The following PDHA2 variants were observed in gnomAD, a reference collection of about 807,000 sequenced individuals.
The protein encoded by PDHA2 is pyruvate dehydrogenase E1 subunit alpha 2.
For synonymous variants in PDHA2, 188 were observed against 185.9 expected (o/e 1.01, Z -0.09); for missense variants, 533 against 495.8 (o/e 1.07, Z -0.71).
chr4:95,840,205 C>A lies in PDHA2; in HGVS notation c.55C>A (p.Arg19Ser). 1 of 1,614,058 alleles carries A rather than the reference C, an allele frequency of 6.2e-7. No individual in the cohort carries two copies. Among genetic ancestry groups the A allele is most frequent in the Non-Finnish European group, 8.5e-7 (1 of 1,179,972 alleles). The change falls in exon 1 of 1, where the codon CGC becomes AGC. Residue 19 changes from arginine to serine, a missense_variant. Transcript: ENST00000295266. ...GAGGCGAGTTGCCCAGAAATCAGCT[C>A]GCAGAGTGCTGGTGGCATCCCGTAA... ...VLRRVAQKSARRVLVASRNSS... is the reference protein window; with the variant it reads ...VLRRVAQKSASRVLVASRNSS...
Position 95,841,072 on chromosome 4 carries a change from G to C in PDHA2, c.922G>C (p.Val308Leu), listed in dbSNP as rs1157919006. Residue 308 changes from valine (V) to leucine (L), a missense_variant, in exon 1 of 1, where the codon GTA (valine) becomes CTA (leucine). By Grantham distance (32) the Val-to-Leu change is conservative. Coordinates refer to ENST00000295266, the MANE Select transcript of PDHA2 (RefSeq NM_005390.5). ...TCGTACACGAGAAGAAATTCAGGAA[G>C]TAAGAAGTAAGAGGGATCCTATAAT... The part of the protein sequence containing the change: ...SYRTREEIQE[V>L]RSKRDPIIIL... The C allele has an allele frequency of 6.2e-7, 1 of 1,614,116 alleles. No homozygotes were observed. The highest frequency in any genetic ancestry group is 8.5e-7 in the Non-Finnish European group (1 of 1,179,984).
chr4:95,840,953 C>G lies in PDHA2; in HGVS notation c.803C>G (p.Ala268Gly), dbSNP rs750504085. Residue 268 changes from alanine to glycine, a missense_variant, in exon 1 of 1, where the codon GCT becomes GGT. Transcript: ENST00000295266. ...LCVREATKFA[A>G]NYCRSGKGPI... ...GTTCGTGAGGCAACAAAATTTGCAG[C>G]TAACTACTGTAGATCTGGAAAGGGG... is the stretch of plus-strand genomic sequence containing the variant. 13 of 1,614,068 alleles carry G rather than the reference C, an allele frequency of 8.1e-6. No individual in the cohort carries two copies. Among genetic ancestry groups the G allele is most frequent in the Non-Finnish European group, 1.0e-5 (12 of 1,180,028 alleles).
rs201224215 is a variant in PDHA2, at chr4:95,840,421, C to T, written c.271C>T (p.Leu91=). Residue 91 remains leucine, a synonymous_variant, in exon 1 of 1, where the codon CTG becomes TTG. Transcript: ENST00000295266. ...GAAATTCATTCGCGGTTTCTGTCACCTGTGCGATGGTCAGGAAGCTTGTTG... is the reference window on the plus strand; with the variant it reads ...GAAATTCATTCGCGGTTTCTGTCACTTGTGCGATGGTCAGGAAGCTTGTTG... ...KQKFIRGFCH[L]CDGQEACCVG... The T allele has an allele frequency of 6.8e-6, 11 of 1,614,230 alleles. No individual in the cohort carries two copies. The African/African-American group carries it at 1.2e-4, about 18-fold the overall frequency.
At position 95,841,144 on chromosome 4, in the gene PDHA2, G is replaced by C. The variant is rs375558920; in HGVS notation, c.994G>C (p.Glu332Gln). 3.1e-6 allele frequency: 5 copies of C among 1,614,172 alleles called. No individual in the cohort carries two copies. The highest frequency in any genetic ancestry group is 4.2e-6 in the Non-Finnish European group (5 of 1,180,006). The change falls in exon 1 of 1, where the codon GAA becomes CAA. Residue 332 changes from glutamate (E) to glutamine (Q), a missense_variant. Transcript: ENST00000295266. ...MVNSKLATVE[E>Q]LKEIGAEVRK... ...AAACAGCAAGCTCGCCACTGTGGAA[G>C]AATTAAAGGAAATTGGGGCTGAGGT...
rs267600306 is a variant in PDHA2 at position 95,840,703 on chromosome 4, G to A, written c.553G>A (p.Asp185Asn). 6 of 1,614,198 alleles carry A rather than the reference G, an allele frequency of 3.7e-6. No individual in the cohort carries two copies. Among genetic ancestry groups the A allele is most frequent in the East Asian group, 2.2e-5 (1 of 44,878 alleles). The change falls in exon 1 of 1, where the codon GAT (aspartate) becomes AAT (asparagine). Residue 185 changes from aspartate to asparagine, a missense_variant. Coordinates refer to ENST00000295266, the MANE Select transcript of PDHA2 (RefSeq NM_005390.5). ...IALACKYKGN[D>N]EICLTLYGDG... ...TCTGGCCTGTAAATATAAAGGAAAC[G>A]ATGAGATCTGTTTGACTTTATATGG...
Position 95,840,509 on chromosome 4 carries a change from G to A in PDHA2, c.359G>A (p.Gly120Asp). 1 of 1,614,200 alleles carries A rather than the reference G, an allele frequency of 6.2e-7. No individual in the cohort carries two copies. The highest frequency in any genetic ancestry group is 8.5e-7 in the Non-Finnish European group (1 of 1,180,046). ...GTCATTACATCCTATAGGGCTCATG[G>A]TGTGTGCTATACTCGGGGACTTTCT... The part of the protein sequence containing the change: ...DHVITSYRAH[G>D]VCYTRGLSVR... Residue 120 changes from glycine to aspartate, a missense_variant, in exon 1 of 1, where the codon GGT (glycine) becomes GAT (aspartate). Physicochemically the swap from Gly to Asp is moderately conservative, Grantham distance 94. Coordinates refer to ENST00000295266, the MANE Select transcript of PDHA2 (RefSeq NM_005390.5).
Position 95,840,401 on chromosome 4 carries a change from T to C in PDHA2, c.251T>C (p.Phe84Ser). The C allele has an allele frequency of 3.1e-6, 5 of 1,614,190 alleles. No homozygotes were observed. Among genetic ancestry groups the C allele is most frequent in the Non-Finnish European group, 4.2e-6 (5 of 1,180,034 alleles). Residue 84 changes from phenylalanine to serine, a missense_variant, in exon 1 of 1, where the codon TTC becomes TCC. By Grantham distance (155) the Phe-to-Ser change is radical (BLOSUM62 -2). Transcript: ENST00000295266. ...LKADQLYKQK[F>S]IRGFCHLCDG... Reference sequence around the variant, plus strand: ...GCAGATCAGCTGTACAAACAGAAATTCATTCGCGGTTTCTGTCACCTGTGC... The same window carrying C: ...GCAGATCAGCTGTACAAACAGAAATCCATTCGCGGTTTCTGTCACCTGTGC...
chr4:95,841,315 T>A lies in PDHA2; in HGVS notation c.1165T>A (p.Ter389LysextTer39). 1 of 1,610,974 alleles carries A rather than the reference T, an allele frequency of 6.2e-7. No individual in the cohort carries two copies. Among genetic ancestry groups the A allele is most frequent in the Non-Finnish European group, 8.5e-7 (1 of 1,177,172 alleles). ...NPWIKFKSVS[*>K] ...ATGGATCAAGTTTAAGTCCGTCAGTTAAAGGGAGGCTACGTGTGAATTTAT... is the reference window on the plus strand; with the variant it reads ...ATGGATCAAGTTTAAGTCCGTCAGTAAAAGGGAGGCTACGTGTGAATTTAT... Residue 389 changes from the stop codon to lysine (K), a stop_lost, in exon 1 of 1, where the codon TAA (stop) becomes AAA (lysine). Transcript: ENST00000295266.
rs1409869825 is a variant in PDHA2, at chr4:95,841,243, C to T, written c.1093C>T (p.His365Tyr). 1 of 1,614,118 alleles carries T rather than the reference C, an allele frequency of 6.2e-7. No homozygotes were observed. The highest frequency in any genetic ancestry group is 2.2e-5 in the East Asian group (1 of 44,868). The change falls in exon 1 of 1, where the codon CAC becomes TAC. Residue 365 changes from histidine to tyrosine, a missense_variant. His to Tyr is a moderately conservative substitution (Grantham distance 83, BLOSUM62 2). Transcript: ENST00000295266. ...GCCACATTTGGAAGAATTAGGCCATCACATCTACAGCAGTGATTCATCTTT... is the reference window on the plus strand; with the variant it reads ...GCCACATTTGGAAGAATTAGGCCATTACATCTACAGCAGTGATTCATCTTT... ...PEPHLEELGH[H>Y]IYSSDSSFEV...
In PDHA2 at chr4:95,841,387, G is replaced by GT; in HGVS notation, c.*72dup. On this transcript the variant is annotated 3_prime_UTR_variant, in exon 1 of 1. Transcript: ENST00000295266. ...TTCATGGTCAAATTTAAGAAACTGTGTTCTCAACTCAAGGAGGAATAAAAC... is the reference window on the plus strand; with the variant it reads ...TTCATGGTCAAATTTAAGAAACTGTGTTTCTCAACTCAAGGAGGAATAAAAC... The GT allele has an allele frequency of 8.3e-7, 1 of 1,199,700 alleles. No homozygotes were observed. Among genetic ancestry groups the GT allele is most frequent in the Non-Finnish European group, 1.2e-6 (1 of 824,612 alleles). 74.3% of individuals were successfully genotyped at this position (1,199,700 alleles called of 1,614,324 possible). A position where few individuals can be genotyped will look rare whatever the true frequency, so the allele number is the denominator to read the frequency against.
At position 95,840,456 on chromosome 4, in the gene PDHA2, T is replaced by C. The variant is rs1560568358; in HGVS notation, c.306T>C (p.Leu102=). Reference sequence around the variant, plus strand: ...GTCAGGAAGCTTGTTGCGTGGGCCTTGAGGCCGGCATAAACCCCTCGGATC... The same window carrying C: ...GTCAGGAAGCTTGTTGCGTGGGCCTCGAGGCCGGCATAAACCCCTCGGATC... The part of the protein sequence containing the change: ...CDGQEACCVG[L]EAGINPSDHV... The change falls in exon 1 of 1, where the codon CTT becomes CTC. Residue 102 remains leucine (L), a synonymous_variant. Coordinates refer to ENST00000295266, the MANE Select transcript of PDHA2 (RefSeq NM_005390.5). 6.2e-7 allele frequency: 1 copy of C among 1,614,226 alleles called. No homozygotes were observed. Among genetic ancestry groups the C allele is most frequent in the Admixed American group, 1.7e-5 (1 of 60,028 alleles).
Position 95,840,616 on chromosome 4 carries a change from AAGAACT to A in PDHA2, c.467_472del (p.Lys156_Phe158delinsIle). ...AGGAGGATCGATGCATATGTATACCAAGAACTTCTATGGGGGCAATGGCATCGTCGG... is the reference window on the plus strand; with the variant it reads ...AGGAGGATCGATGCATATGTATACCATCTATGGGGGCAATGGCATCGTCGG... On this transcript the variant is annotated inframe_deletion, in exon 1 of 1. Transcript: ENST00000295266. The A allele has an allele frequency of 6.2e-7, 1 of 1,614,194 alleles. No individual in the cohort carries two copies. Among genetic ancestry groups the A allele is most frequent in the Non-Finnish European group, 8.5e-7 (1 of 1,180,038 alleles).
At position 95,841,005 on chromosome 4, in the gene PDHA2, C is replaced by A; in HGVS notation, c.855C>A (p.Tyr285Ter). The A allele has an allele frequency of 6.2e-7, 1 of 1,614,078 alleles. No homozygotes were observed. Among genetic ancestry groups the A allele is most frequent in the South Asian group, 1.1e-5 (1 of 91,082 alleles). The part of the protein sequence containing the change: ...KGPILMELQT[Y>*]RYHGHSMSDP... ...CCATACTGATGGAGCTGCAAACCTA[C>A]CGTTATCATGGACACAGTATGAGTG... Residue 285 changes from tyrosine to a stop codon, truncating the protein, a stop_gained, in exon 1 of 1, where the codon TAC (tyrosine) becomes TAA (stop). Transcript: ENST00000295266. LOFTEE classifies it low-confidence loss of function (END_TRUNC).
Position 95,841,132 on chromosome 4 carries a change from G to A in PDHA2, c.982G>A (p.Ala328Thr), listed in dbSNP as rs372154327. The change falls in exon 1 of 1, where the codon GCC becomes ACC. Residue 328 changes from alanine (A) to threonine (T), a missense_variant. Coordinates refer to ENST00000295266, the MANE Select transcript of PDHA2 (RefSeq NM_005390.5). ...LQDRMVNSKL[A>T]TVEELKEIGA... ...AGATAGAATGGTAAACAGCAAGCTCGCCACTGTGGAAGAATTAAAGGAAAT... is the reference window on the plus strand; with the variant it reads ...AGATAGAATGGTAAACAGCAAGCTCACCACTGTGGAAGAATTAAAGGAAAT... 23 of 1,614,126 alleles carry A rather than the reference G, an allele frequency of 1.4e-5. No individual in the cohort carries two copies. Among genetic ancestry groups the A allele is most frequent in the African/African-American group, 4.0e-5 (3 of 75,026 alleles).
Position 95,841,244 on chromosome 4 carries a change from A to G in PDHA2, c.1094A>G (p.His365Arg). 1.2e-6 allele frequency: 2 copies of G among 1,614,198 alleles called. No individual in the cohort carries two copies. Among genetic ancestry groups the G allele is most frequent in the South Asian group, 2.2e-5 (2 of 91,084 alleles). ...CCACATTTGGAAGAATTAGGCCATC[A>G]CATCTACAGCAGTGATTCATCTTTT... ...PEPHLEELGH[H>R]IYSSDSSFEV... is the part of the protein sequence containing the mutation. Residue 365 changes from histidine to arginine, a missense_variant, in exon 1 of 1, where the codon CAC (histidine) becomes CGC (arginine). Coordinates refer to ENST00000295266, the MANE Select transcript of PDHA2 (RefSeq NM_005390.5).
In PDHA2 at chr4:95,840,702, C is replaced by T. The variant is rs1448922583; in HGVS notation, c.552C>T (p.Asn184=). Residue 184 remains asparagine (N), a synonymous_variant, in exon 1 of 1, where the codon AAC becomes AAT. Transcript: ENST00000295266. ...CTCTGGCCTGTAAATATAAAGGAAA[C>T]GATGAGATCTGTTTGACTTTATATG... ...GIALACKYKG[N]DEICLTLYGD... is the part of the protein sequence containing the mutation. The T allele has an allele frequency of 1.9e-6, 3 of 1,614,150 alleles. No homozygotes were observed. Among genetic ancestry groups the T allele is most frequent in the East Asian group, 2.2e-5 (1 of 44,878 alleles).
chr4:95,840,539 G>C lies in PDHA2; in HGVS notation c.389G>C (p.Arg130Pro), dbSNP rs1382289172. ...TGCTATACTCGGGGACTTTCTGTCC[G>C]ATCCATTCTCGCAGAGCTGACGGGA... is the stretch of plus-strand genomic sequence containing the variant. The part of the protein sequence containing the change: ...GVCYTRGLSV[R>P]SILAELTGRR... Residue 130 changes from arginine to proline, a missense_variant, in exon 1 of 1, where the codon CGA becomes CCA. By Grantham distance (103) the Arg-to-Pro change is moderately radical. Coordinates refer to ENST00000295266, the MANE Select transcript of PDHA2 (RefSeq NM_005390.5). 2 of 1,614,014 alleles carry C rather than the reference G, an allele frequency of 1.2e-6. No individual in the cohort carries two copies. Among genetic ancestry groups the C allele is most frequent in the African/African-American group, 2.7e-5 (2 of 74,912 alleles).
Position 95,840,871 on chromosome 4 carries a change from T to G in PDHA2, c.721T>G (p.Tyr241Asp), listed in dbSNP as rs771889902. ...TERAAASPDY[Y>D]KRGNFIPGLK... ...GAGAGCAGCAGCCAGCCCTGATTAC[T>G]ACAAGAGGGGCAATTTTATCCCTGG... Residue 241 changes from tyrosine (Y) to aspartate (D), a missense_variant, in exon 1 of 1, where the codon TAC (tyrosine) becomes GAC (aspartate). By Grantham distance (160) the Tyr-to-Asp change is radical. Transcript: ENST00000295266. The G allele has an allele frequency of 3.1e-6, 5 of 1,613,944 alleles. No individual in the cohort carries two copies. In the African/African-American group the frequency reaches 6.7e-5, roughly 22 times the overall value.
Position 95,840,922 on chromosome 4 carries a change from C to A in PDHA2, c.772C>A (p.Leu258Met). The change falls in exon 1 of 1, where the codon CTG (leucine) becomes ATG (methionine). Residue 258 changes from leucine to methionine, a missense_variant. Coordinates refer to ENST00000295266, the MANE Select transcript of PDHA2 (RefSeq NM_005390.5). ...GCTAAAGGTCGATGGAATGGATGTT[C>A]TGTGTGTTCGTGAGGCAACAAAATT... ...PGLKVDGMDV[L>M]CVREATKFAA... 1 of 1,614,080 alleles carries A rather than the reference C, an allele frequency of 6.2e-7. No homozygotes were observed. The highest frequency in any genetic ancestry group is 8.5e-7 in the Non-Finnish European group (1 of 1,180,034).
Sources: allele counts gnomAD v4.1 joint callset, GRCh38; gene constraint gnomAD v4.1.1; transcripts MANE v1.5; gene names NCBI Gene and HGNC (gene_info 2026-07-23, HGNC 2026-07-21).